GRIK2: variants seen among roughly 807,000 people sequenced by gnomAD.
GRIK2 encodes glutamate ionotropic receptor kainate type subunit 2, also known as glutamate receptor ionotropic, kainate 2.
A neutral mutation model predicts 100.3 loss-of-function variants in GRIK2; 32 were observed. The observed-to-expected ratio is 0.32, with a 90% CI of 0.24 to 0.43. GRIK2 has a LOEUF of 0.43. GRIK2 is among the 20% of genes least tolerant of loss of function. The pLI is 1.00. For missense variants in GRIK2, 843 were observed against 1,114.9 expected (o/e 0.76, Z 3.47); for synonymous variants, 417 against 389.4 (o/e 1.07, Z -0.83).
At chr6:101,620,959 G>C (rs1438288883) in intron 2 of GRIK2, among the ~76,000 whole-genome samples, 2 of 151,972 alleles carry the variant, frequency 1.3e-5, no homozygotes, top group Non-Finnish European at 2.9e-5. Flanking sequence ...CAAATTGAAG[G>C]GACATATTTT....
chr6:101,894,293 T>G (rs1412695767), intron 12 of GRIK2, among the ~76,000 whole-genome samples: 1 of 151,722 alleles, frequency 6.6e-6, no homozygotes, highest in Non-Finnish European at 1.5e-5. Context: ...ATGTATGGTG[T>G]TGGTTTTTGT....
chr6:101,429,754 G>A (rs1769272486), intron 2 of GRIK2, among the ~76,000 whole-genome samples: 1 of 151,866 alleles, frequency 6.6e-6, no homozygotes, highest in Non-Finnish European at 1.5e-5. Flanking sequence ...GTGTTGCTGG[G>A]GCCTAATGTT....
chr6:101,682,861 A>C (rs1771382214), intron 6 of GRIK2, among the ~76,000 whole-genome samples: 1 of 152,162 alleles, frequency 6.6e-6, no homozygotes, highest in Admixed American at 6.6e-5. Context: ...GAACTTTCAG[A>C]ATATAATGGA....
At chr6:101,452,432 G>A (rs1770761583) in intron 2 of GRIK2, among the ~76,000 whole-genome samples, 1 of 143,992 alleles carries the variant, frequency 6.9e-6, no homozygotes, top group Non-Finnish European at 1.5e-5. Context: ...TGTGCTTGCA[G>A]TGTATGAAAT....
chr6:102,061,277 GT>G (rs1771738259), intron 16 of GRIK2, among the ~76,000 whole-genome samples: 1 of 150,272 alleles, frequency 6.7e-6, no homozygotes, highest in African/African-American at 2.4e-5. Context: ...AATGACTTTA[GT>G]TTTTAAAGTG....
intron 2 of GRIK2, chr6:101,430,717 A>T: frequency 5.3e-6 from 1 of 188,606 alleles, no homozygotes; most frequent in South Asian, 1.1e-4. Flanking sequence ...GCCTCTGGAC[A>T]CCAGAACCTC....
At chr6:101,890,069 T>C (rs1380668803) in intron 12 of GRIK2, 1 of 564,530 alleles carries the variant, frequency 1.8e-6, no homozygotes, top group Non-Finnish European at 3.1e-6. Flanking sequence ...GTTGTGTCAG[T>C]AAGCTATAAG....
chr6:101,988,641 C>T (rs756764205), intron 14 of GRIK2, among the ~76,000 whole-genome samples: 20 of 151,760 alleles, frequency 1.3e-4, no homozygotes, highest in Non-Finnish European at 2.1e-4. Flanking sequence ...ACCTAGAATA[C>T]GTGGTTAATG....
At chr6:101,797,604 C>G (rs1204526955) in intron 7 of GRIK2, among the ~76,000 whole-genome samples, 2 of 147,298 alleles carry the variant, frequency 1.4e-5, no homozygotes, top group East Asian at 3.9e-4. Context: ...CTTCATATTA[C>G]TCTATAAATA....
chr6:101,710,611 T>C (rs1773631405), intron 7 of GRIK2, among the ~76,000 whole-genome samples: 1 of 151,806 alleles, frequency 6.6e-6, no homozygotes, highest in Non-Finnish European at 1.5e-5. Flanking sequence ...GTTTGTTTAT[T>C]TGGGGCTGGC....
At chr6:101,971,206 ATT>A (rs1562077166) in intron 14 of GRIK2, among the ~76,000 whole-genome samples, 1 of 144,414 alleles carries the variant, frequency 6.9e-6, no homozygotes, top group African/African-American at 2.9e-5. Context: ...TTTCAAATAT[ATT>A]TTGTTAGCTA....
At chr6:102,017,748 G>T (rs1172677997) in intron 14 of GRIK2, among the ~76,000 whole-genome samples, 2 of 151,782 alleles carry the variant, frequency 1.3e-5, no homozygotes, top group African/African-American at 4.8e-5. Context: ...TTATTTTTCA[G>T]TTTGAGAATT....
chr6:101,521,296 T>C (rs1234653648), intron 2 of GRIK2, among the ~76,000 whole-genome samples: 1 of 152,028 alleles, frequency 6.6e-6, no homozygotes, highest in Non-Finnish European at 1.5e-5. Context: ...TGTGTTTTAA[T>C]AGCAGGTCTA....
chr6:102,048,937 C>G (rs1377222883), intron 15 of GRIK2, among the ~76,000 whole-genome samples: 1 of 151,612 alleles, frequency 6.6e-6, no homozygotes, highest in African/African-American at 2.4e-5. Flanking sequence ...AAAGCAATAC[C>G]CAGTAAGCCC....
chr6:102,031,123 ACACACC>A (rs199840182), intron 14 of GRIK2, among the ~76,000 whole-genome samples: 26,482 of 111,668 alleles, frequency 0.24, 2,989 homozygotes, highest in Non-Finnish European at 0.3. Context: ...ACACACACAC[ACACACC>A]CCCTTTGAGT....
At chr6:101,575,176 A>G (rs1002869995) in intron 2 of GRIK2, among the ~76,000 whole-genome samples, 4 of 151,826 alleles carry the variant, frequency 2.6e-5, no homozygotes, top group African/African-American at 9.7e-5. Context: ...ATTCTCCCCA[A>G]CTCTCAAAAA....
At chr6:101,903,743 A>G (rs746180403) in intron 12 of GRIK2, among the ~76,000 whole-genome samples, 2 of 150,698 alleles carry the variant, frequency 1.3e-5, no homozygotes. Flanking sequence ...AAATACATCA[A>G]TGTTTTTCCC....
At chr6:101,662,410 G>T (rs1420237053) in intron 4 of GRIK2, among the ~76,000 whole-genome samples, 2 of 152,160 alleles carry the variant, frequency 1.3e-5, no homozygotes, top group Non-Finnish European at 2.9e-5. Context: ...AAACTGCCTA[G>T]ATTTTTCTGT....
At chr6:101,991,154 T>C (rs1201725133) in intron 14 of GRIK2, among the ~76,000 whole-genome samples, 1 of 151,882 alleles carries the variant, frequency 6.6e-6, no homozygotes, top group African/African-American at 2.4e-5. Flanking sequence ...CAGTTTCTAA[T>C]GCTAGTGAGT....
Sources: gnomAD v4.1 joint callset for allele counts (sites outside exome capture counted in the v4.1 genomes callset) on GRCh38, gnomAD v4.1.1 for gene constraint, MANE v1.5 for transcripts, NCBI Gene and HGNC (gene_info 2026-07-23, HGNC 2026-07-21) for gene names.